GALNT18: variants seen among roughly 807,000 people sequenced by gnomAD.
GALNT18 encodes GalNAc-transferase 18.
Under a neutral mutation model 69.5 loss-of-function variants are expected in GALNT18, and 44 were observed. The ratio of observed to expected loss-of-function variants is 0.63; its 90% CI spans 0.50 to 0.81. The LOEUF is 0.81. Among genes scored for constraint, GALNT18 ranks in the 40% least tolerant of loss-of-function variants. The pLI is 0.00. For synonymous variants in GALNT18, 364 were observed against 318.2 expected (o/e 1.14, Z -1.53); for missense variants, 715 against 810.0 (o/e 0.88, Z 1.42).
At chr11:11,384,276 T>C (rs778529645) in intron 3 of GALNT18, among the ~76,000 whole-genome samples, 2 of 152,134 alleles carry the variant, frequency 1.3e-5, no homozygotes, top group Non-Finnish European at 2.9e-5. Context: ...AGCCTGTTTT[T>C]TACTGCTGCA....
intron 3 of GALNT18, among the ~76,000 whole-genome samples, chr11:11,419,589 C>T (rs1854946702): frequency 1.1e-5 from 1 of 89,964 alleles, no homozygotes; most frequent in Non-Finnish European, 2.0e-5. Context: ...AAAGCAAGAT[C>T]CTGTCTCAAA....
chr11:11,529,751 C>T (rs1051755210), intron 1 of GALNT18, among the ~76,000 whole-genome samples: 5 of 151,996 alleles, frequency 3.3e-5, no homozygotes, highest in African/African-American at 4.8e-5. Context: ...TGTGTGCCTA[C>T]GTATGCACAT....
chr11:11,469,316 A>G lies in GALNT18; in HGVS notation c.236-20380T>C, dbSNP rs72863065. Among the ~76,000 whole-genome samples the G allele has an allele frequency of 0.06, 9,193 of 152,330 alleles. 350 individuals carry two copies. The highest frequency in any genetic ancestry group is 0.099 in the Middle Eastern group (29 of 294). On this transcript the variant is annotated intron_variant, in intron 1 of 10. Transcript: ENST00000227756. The surrounding 1 kb of genome is among the most constrained non-coding windows in gnomAD (Gnocchi z 4.2). The stretch of plus-strand genomic sequence containing the variant: ...GGGAGCAGATGAAAGGCATGGAGAC[A>G]GCGCTGAAAGCCTGCCCCTCATTAT...
rs1052216101 is a variant in GALNT18, at chr11:11,605,667, T to C, written c.235+15692A>G. ...GTGTCAATTAAAATGACTTCAATGC[T>C]GTCTCTCCTCTTGAAGCAGAAATGC... On this transcript the variant is annotated intron_variant, in intron 1 of 10. Coordinates refer to ENST00000227756, the MANE Select transcript of GALNT18 (RefSeq NM_198516.3). The surrounding 1 kb of genome is among the most constrained non-coding windows in gnomAD (Gnocchi z 4.7). Among the ~76,000 whole-genome samples the C allele has an allele frequency of 6.6e-6, 1 of 152,240 alleles. No homozygotes were observed. Among genetic ancestry groups the C allele is most frequent in the African/African-American group, 2.4e-5 (1 of 41,472 alleles).
chr11:11,593,974 G>C (rs536986029), intron 1 of GALNT18, among the ~76,000 whole-genome samples: 10 of 152,290 alleles, frequency 6.6e-5, no homozygotes, highest in African/African-American at 2.2e-4. Context: ...GATGAAGGAT[G>C]CTTTTCTCTT....
chr11:11,558,124 A>T (rs575338060), intron 1 of GALNT18, among the ~76,000 whole-genome samples: 9 of 152,246 alleles, frequency 5.9e-5, no homozygotes, highest in African/African-American at 2.2e-4. Context: ...CTGCCACAAG[A>T]TGTTTAGAAA....
chr11:11,551,203 C>T (rs1189519635), intron 1 of GALNT18, among the ~76,000 whole-genome samples: 2 of 151,776 alleles, frequency 1.3e-5, no homozygotes, highest in South Asian at 2.1e-4. Context: ...CAGCTCAATA[C>T]TCTACATTTC....
At chr11:11,425,486 G>A (rs190628325) in intron 3 of GALNT18, among the ~76,000 whole-genome samples, 55 of 152,316 alleles carry the variant, frequency 3.6e-4, no homozygotes, top group Admixed American at 1.8e-3. Context: ...GCTTTGATGT[G>A]CTTTTAATCA....
intron 10 of GALNT18, among the ~76,000 whole-genome samples, chr11:11,281,598 T>G (rs1849076636): frequency 6.6e-6 from 1 of 152,120 alleles, no homozygotes; most frequent in Non-Finnish European, 1.5e-5. Flanking sequence ...CAGCCCTTTC[T>G]TTGCTTGCCT....
At chr11:11,322,285 C>CACACTGTA (rs1379009597) in intron 9 of GALNT18, among the ~76,000 whole-genome samples, 1 of 152,208 alleles carries the variant, frequency 6.6e-6, no homozygotes, top group South Asian at 2.1e-4. Flanking sequence ...AATCTGGCTC[C>CACACTGTA]AGAATCCACA....
At chr11:11,609,281 A>C (rs1859831125) in intron 1 of GALNT18, among the ~76,000 whole-genome samples, 2 of 150,004 alleles carry the variant, frequency 1.3e-5, no homozygotes, top group African/African-American at 4.9e-5. Flanking sequence ...TTCTTCCCCT[A>C]CCCCCTTTTC....
At chr11:11,508,888 T>C (rs181585766) in intron 1 of GALNT18, among the ~76,000 whole-genome samples, 2 of 152,306 alleles carry the variant, frequency 1.3e-5, no homozygotes, top group Non-Finnish European at 2.9e-5. Flanking sequence ...ATATCCTGAA[T>C]GTGGAAATTG....
At chr11:11,311,640 T>C (rs542130296) in intron 9 of GALNT18, among the ~76,000 whole-genome samples, 30 of 152,250 alleles carry the variant, frequency 2.0e-4, no homozygotes, top group African/African-American at 6.7e-4. Flanking sequence ...CTTTCCAACC[T>C]ATGCTCATAG....
chr11:11,344,298 G>A (rs1282451270), intron 6 of GALNT18, among the ~76,000 whole-genome samples: 1 of 151,836 alleles, frequency 6.6e-6, no homozygotes, highest in Admixed American at 6.6e-5. Context: ...ATGCAATGAC[G>A]TACCCAACCC....
At chr11:11,597,342 AAG>A (rs1285985898) in intron 1 of GALNT18, among the ~76,000 whole-genome samples, 4 of 152,202 alleles carry the variant, frequency 2.6e-5, no homozygotes, top group African/African-American at 9.7e-5. Context: ...TATTTTTCAG[AAG>A]AGTTTATGAA....
rs1367583924 is a variant in GALNT18 at position 11,596,460 on chromosome 11, C to A, written c.235+24899G>T. Among the ~76,000 whole-genome samples the A allele has an allele frequency of 1.3e-5, 2 of 152,100 alleles. No individual in the cohort carries two copies. Among genetic ancestry groups the A allele is most frequent in the African/African-American group, 4.8e-5 (2 of 41,424 alleles). On this transcript the variant is annotated intron_variant, in intron 1 of 10. Coordinates refer to ENST00000227756, the MANE Select transcript of GALNT18 (RefSeq NM_198516.3). The surrounding 1 kb of genome is among the most constrained non-coding windows in gnomAD (Gnocchi z 4.2). ...TTTGATAAAGATATCTGAAGTATTG[C>A]CATCTTAACAATATTAAGTCTTGCA...
At chr11:11,502,757 T>G (rs1208455859) in intron 1 of GALNT18, among the ~76,000 whole-genome samples, 3 of 152,244 alleles carry the variant, frequency 2.0e-5, no homozygotes, top group African/African-American at 7.2e-5. Flanking sequence ...CAGCTGCAGA[T>G]AAGTTGTGAC....
chr11:11,364,096 T>C (rs1283279376), intron 6 of GALNT18, among the ~76,000 whole-genome samples: 3 of 149,174 alleles, frequency 2.0e-5, no homozygotes, highest in Middle Eastern at 3.4e-3. Context: ...ATTCATTATT[T>C]TGAAAGCTAT....
intron 6 of GALNT18, chr11:11,352,030 G>A (rs1288541598): frequency 6.2e-7 from 1 of 1,613,626 alleles, no homozygotes. Context: ...AGAGGTCCAA[G>A]GGGTGAAGGA....
Sources: allele counts gnomAD v4.1 joint callset (sites outside exome capture counted in the v4.1 genomes callset), GRCh38; gene constraint gnomAD v4.1.1; non-coding constraint Gnocchi (gnomAD v3.1); transcripts MANE v1.5; gene names NCBI Gene and HGNC (gene_info 2026-07-23, HGNC 2026-07-21).